CADPS2: variants seen among roughly 807,000 people sequenced by gnomAD.
CADPS2 encodes the protein calcium-dependent secretion activator 2.
In CADPS2, 93 loss-of-function variants were observed where a neutral mutation model predicts 172.5. The observed-to-expected ratio is 0.54, with a 90% CI of 0.46 to 0.64. The LOEUF is 0.64. CADPS2 is among the 30% of genes least tolerant of loss of function. The pLI, the probability that CADPS2 is intolerant of heterozygous loss-of-function variation, is 0.00. For synonymous variants in CADPS2, 546 were observed against 555.2 expected (o/e 0.98, Z 0.23); for missense variants, 1,420 against 1,565.9 (o/e 0.91, Z 1.57).
chr7:122,769,792 G>A (rs181399978), intron 1 of CADPS2, among the ~76,000 whole-genome samples: 2 of 152,244 alleles, frequency 1.3e-5, no homozygotes, highest in Admixed American at 1.3e-4. Flanking sequence ...TGTTGACTGT[G>A]TAACCTTGGA....
intron 3 of CADPS2, among the ~76,000 whole-genome samples, chr7:122,661,153 A>G (rs1212971139): frequency 6.6e-6 from 1 of 152,192 alleles, no homozygotes; most frequent in Non-Finnish European, 1.5e-5. Context: ...ATAAAACATA[A>G]CAATCCTACT....
At chr7:122,883,277 A>ACTCCTGGC (rs1465170669) in intron 1 of CADPS2, among the ~76,000 whole-genome samples, 1 of 151,972 alleles carries the variant, frequency 6.6e-6, no homozygotes, top group Non-Finnish European at 1.5e-5. Context: ...GAGAAACCTG[A>ACTCCTGGC]CTCCTGGCCT....
intron 1 of CADPS2, among the ~76,000 whole-genome samples, chr7:122,785,913 T>C (rs1402274240): frequency 1.3e-5 from 2 of 152,182 alleles, no homozygotes; most frequent in Non-Finnish European, 2.9e-5. Flanking sequence ...CAGTTGCCTA[T>C]AGGTCCTCTG....
chr7:122,318,593 T>C lies in CADPS2; in HGVS notation c.*1572A>G, dbSNP rs986461268. 10 of 152,126 alleles carry C rather than the reference T, an allele frequency of 6.6e-5. No homozygotes were observed. Among genetic ancestry groups the C allele is most frequent in the African/African-American group, 2.4e-4 (10 of 41,414 alleles). 9.4% of individuals were successfully genotyped at this position (152,126 alleles called of 1,614,324 possible). ...GAGAAAATAGTATTTGGTGTGTGAA[T>C]AGAGAAGAAAAGGAGGGAGAACATT... On this transcript the variant is annotated 3_prime_UTR_variant, in exon 30 of 30. Transcript: ENST00000449022.
intron 1 of CADPS2, among the ~76,000 whole-genome samples, chr7:122,779,760 T>C (rs1467949028): frequency 1.3e-5 from 2 of 152,012 alleles, no homozygotes; most frequent in African/African-American, 4.8e-5. Context: ...CATTGATGAG[T>C]CTTCCAAGGG....
chr7:122,554,463 T>C, intron 8 of CADPS2, 87 bp downstream of exon 8: 1 of 1,287,456 alleles, frequency 7.8e-7, no homozygotes, highest in Non-Finnish European at 1.1e-6. Context: ...AAGCCTGCTA[T>C]ACTGGTTCTC....
chr7:122,861,288 TAGCC>T, intron 1 of CADPS2, among the ~76,000 whole-genome samples: 1 of 152,352 alleles, frequency 6.6e-6, no homozygotes, highest in African/African-American at 2.4e-5. Context: ...TATTTGATAA[TAGCC>T]ATTCTAACTT....
intron 8 of CADPS2, among the ~76,000 whole-genome samples, chr7:122,547,863 C>T (rs2063785046): frequency 6.6e-6 from 1 of 152,092 alleles, no homozygotes; most frequent in Admixed American, 6.6e-5. Context: ...GAAGTGAGTA[C>T]TATGAGCATT....
At chr7:122,579,038 G>C (rs900495835) in intron 7 of CADPS2, among the ~76,000 whole-genome samples, 16 of 152,156 alleles carry the variant, frequency 1.1e-4, no homozygotes, top group Admixed American at 2.0e-4. Context: ...TATGTGGTTT[G>C]AGATATCAAT....
At chr7:122,490,454 T>C (rs2058181716) in intron 10 of CADPS2, among the ~76,000 whole-genome samples, 173 bp from the exon 11 acceptor site, 2 of 151,922 alleles carry the variant, frequency 1.3e-5, no homozygotes, top group Admixed American at 6.6e-5. Flanking sequence ...AGAAAAACAA[T>C]AACAAAAAGG....
chr7:122,556,445 T>C (rs6952265), intron 7 of CADPS2, among the ~76,000 whole-genome samples: 2,324 of 152,196 alleles, frequency 0.015, 63 homozygotes, highest in African/African-American at 0.053. Context: ...CTTACAGACT[T>C]TATTGTTTTT....
intron 1 of CADPS2, among the ~76,000 whole-genome samples, chr7:122,796,525 C>A (rs990594780): frequency 1.3e-5 from 2 of 151,936 alleles, no homozygotes; most frequent in Non-Finnish European, 2.9e-5. Context: ...ATACATAAAC[C>A]AATGGAACAG....
At chr7:122,362,330 A>G (rs2151151769) in intron 25 of CADPS2, among the ~76,000 whole-genome samples, 1 of 152,298 alleles carries the variant, frequency 6.6e-6, no homozygotes, top group Admixed American at 6.5e-5. Flanking sequence ...TGGACTCAGA[A>G]TGTATATCCC....
intron 2 of CADPS2, among the ~76,000 whole-genome samples, chr7:122,687,024 A>C (rs1362801265): frequency 6.6e-6 from 1 of 152,166 alleles, no homozygotes; most frequent in South Asian, 2.1e-4. Flanking sequence ...AAAAGGATTG[A>C]TATCAATTAT....
Position 122,737,068 on chromosome 7 carries a change from G to C in CADPS2, c.340C>G (p.Leu114Val). The C allele has an allele frequency of 1.3e-6, 2 of 1,557,856 alleles. No individual in the cohort carries two copies. The highest frequency in any genetic ancestry group is 3.4e-4 in the Middle Eastern group (2 of 5,950). Residue 114 changes from leucine (L) to valine (V), a missense_variant and splice_region_variant, in exon 2 of 30, where the codon CTT becomes GTT. Leu to Val is a conservative substitution (Grantham distance 32). Coordinates refer to ENST00000449022, the MANE Select transcript of CADPS2 (RefSeq NM_017954.11). The stretch of plus-strand genomic sequence containing the variant: ...AGTAACTGCAACTGTTGTTTGTTAA[G>C]CTACAAGAAAAAGAGAAAATAAGCA... Reference protein sequence around the residue: ...PTDMARRQQKLNKQQLQLLKE... With the variant: ...PTDMARRQQKVNKQQLQLLKE...
intron 7 of CADPS2, among the ~76,000 whole-genome samples, chr7:122,555,523 A>G (rs2191276): frequency 0.2 from 31,084 of 152,084 alleles, 3,416 homozygotes; most frequent in East Asian, 0.38. Context: ...GCACTGCATT[A>G]TATTTTAAGC....
chr7:122,730,404 G>A (rs1367297508), intron 2 of CADPS2, among the ~76,000 whole-genome samples: 1 of 151,682 alleles, frequency 6.6e-6, no homozygotes, highest in East Asian at 1.9e-4. Context: ...CCTAAACAGT[G>A]CTCATCACCT....
chr7:122,501,742 G>A (rs1045962497), intron 9 of CADPS2, among the ~76,000 whole-genome samples: 1 of 151,668 alleles, frequency 6.6e-6, no homozygotes, highest in Non-Finnish European at 1.5e-5. Context: ...AGGCGTGGTG[G>A]CACACGCCTG....
intron 1 of CADPS2, among the ~76,000 whole-genome samples, chr7:122,837,521 T>C (rs186951713): frequency 6.6e-6 from 1 of 152,030 alleles, no homozygotes; most frequent in Non-Finnish European, 1.5e-5. Context: ...ACAAAATTGA[T>C]AGACCACTAG....
Sources: gnomAD v4.1 joint callset for allele counts (sites outside exome capture counted in the v4.1 genomes callset) on GRCh38, gnomAD v4.1.1 for gene constraint, MANE v1.5 for transcripts, NCBI Gene and HGNC (gene_info 2026-07-23, HGNC 2026-07-21) for gene names.